Variants in SPOCK3 observed in about 807,000 individuals in gnomAD.
SPOCK3 encodes the protein testican-3.
In SPOCK3, 30 loss-of-function variants were observed where a neutral mutation model predicts 56.6. The observed-to-expected ratio is 0.53, with a 90% CI of 0.40 to 0.72. The LOEUF is 0.72. Ranked by LOEUF, SPOCK3 falls within the 30% of genes least tolerant of loss-of-function variation. The probability of loss-of-function intolerance (pLI) is 0.00; values close to 1 mark genes in which losing one functional copy is unlikely to be tolerated. For synonymous variants in SPOCK3, 196 were observed against 183.3 expected, an observed-to-expected ratio of 1.07 and a Z score of -0.56; for missense variants, 527 against 530.0, an observed-to-expected ratio of 0.99 and a Z score of 0.06.
At chr4:167,149,896 G>T (rs138118796) in intron 2 of SPOCK3, among the ~76,000 whole-genome samples, 22 of 151,760 alleles carry the variant, frequency 1.4e-4, no homozygotes, top group African/African-American at 4.6e-4. Flanking sequence ...AGAGATGTGA[G>T]TTTGAATTTG....
At chr4:166,826,623 C>T (rs151207173) in intron 6 of SPOCK3, among the ~76,000 whole-genome samples, 7 of 151,994 alleles carry the variant, frequency 4.6e-5, no homozygotes, top group Non-Finnish European at 5.9e-5. Context: ...CCAAAGAGCA[C>T]GTATAATTTT....
chr4:167,004,865 T>C (rs1749312314), intron 3 of SPOCK3, among the ~76,000 whole-genome samples: 1 of 152,174 alleles, frequency 6.6e-6, no homozygotes, highest in Non-Finnish European at 1.5e-5. Flanking sequence ...TTATCTTTCA[T>C]ATTAGTGAAA....
chr4:166,934,552 C>A (rs1028991875), intron 4 of SPOCK3, among the ~76,000 whole-genome samples: 3 of 152,036 alleles, frequency 2.0e-5, no homozygotes, highest in African/African-American at 7.2e-5. Flanking sequence ...CCCAAAGATA[C>A]CCCGTGCCAG....
chr4:167,164,269 T>A (rs565699001), intron 2 of SPOCK3, among the ~76,000 whole-genome samples: 2 of 152,266 alleles, frequency 1.3e-5, no homozygotes, highest in South Asian at 4.1e-4. Context: ...CATATTCACA[T>A]ATATACCATA....
At chr4:166,974,385 C>A (rs1745718925) in intron 4 of SPOCK3, among the ~76,000 whole-genome samples, 1 of 152,052 alleles carries the variant, frequency 6.6e-6, no homozygotes, top group Admixed American at 6.6e-5. Flanking sequence ...CATAATAATA[C>A]TTCAATAATT....
At chr4:166,841,943 A>C (rs1747412845) in intron 6 of SPOCK3, among the ~76,000 whole-genome samples, 2 of 152,014 alleles carry the variant, frequency 1.3e-5, no homozygotes, top group Middle Eastern at 3.2e-3. Flanking sequence ...GTTCCTTCTG[A>C]TGTTCGGACA....
chr4:166,768,895 C>A (rs1406127160), intron 7 of SPOCK3, among the ~76,000 whole-genome samples: 1 of 152,008 alleles, frequency 6.6e-6, no homozygotes, highest in East Asian at 1.9e-4. Flanking sequence ...TCTTTTTACC[C>A]TTTTTTCTCC....
chr4:167,112,839 G>C (rs1761014399), intron 2 of SPOCK3, among the ~76,000 whole-genome samples: 2 of 23,072 alleles, frequency 8.7e-5, no homozygotes, highest in Non-Finnish European at 1.5e-4. Flanking sequence ...GTTCAAAAGT[G>C]CTCTTTTTTA....
chr4:166,847,454 G>A (rs1026752192), intron 6 of SPOCK3, among the ~76,000 whole-genome samples: 33 of 151,230 alleles, frequency 2.2e-4, no homozygotes, highest in African/African-American at 7.0e-4. Context: ...CAATTCTGAG[G>A]GAAAAAGCAT....
At chr4:167,007,400 T>C (rs1357264610) in intron 3 of SPOCK3, among the ~76,000 whole-genome samples, 1 of 152,246 alleles carries the variant, frequency 6.6e-6, no homozygotes, top group Non-Finnish European at 1.5e-5. Flanking sequence ...ATAGTTGGTA[T>C]ACTATATTTA....
At chr4:166,789,401 C>T (rs2126645250) in intron 7 of SPOCK3, among the ~76,000 whole-genome samples, 1 of 152,094 alleles carries the variant, frequency 6.6e-6, no homozygotes, top group South Asian at 2.1e-4. Flanking sequence ...TGCACTCTAG[C>T]CTGGGCAACA....
intron 6 of SPOCK3, among the ~76,000 whole-genome samples, chr4:166,797,683 G>A (rs576249905): frequency 9.2e-5 from 14 of 152,014 alleles, no homozygotes; most frequent in Admixed American, 2.6e-4. Flanking sequence ...TACACAGTAA[G>A]AGATGCCAAT....
intron 4 of SPOCK3, among the ~76,000 whole-genome samples, chr4:166,924,093 G>C (rs1281790230): frequency 6.6e-6 from 1 of 152,104 alleles, no homozygotes; most frequent in East Asian, 1.9e-4. Flanking sequence ...GTTGACATTA[G>C]CTTGCCCGTT....
At chr4:166,898,421 T>C (rs561771275) in intron 5 of SPOCK3, among the ~76,000 whole-genome samples, 5 of 152,208 alleles carry the variant, frequency 3.3e-5, no homozygotes, top group African/African-American at 1.2e-4. Context: ...TGATACAAGC[T>C]TTTAAGACTG....
chr4:167,065,062 T>TAAAAAAAAAAAAAAAAAAAAAAAAAA (rs74281519), intron 2 of SPOCK3, among the ~76,000 whole-genome samples: 3 of 56,864 alleles, frequency 5.3e-5, no homozygotes, highest in African/African-American at 8.1e-5. Flanking sequence ...AAAAAAAAAG[T>TAAAAAAAAAAAAAAAAAAAAAAAAAA]CAAACGCAGC....
rs540718228 is a variant in SPOCK3, at chr4:166,822,252, T to C, written c.590-29963A>G. On this transcript the variant is annotated intron_variant, in intron 6 of 10. Transcript: ENST00000357545. ...TAATGCTCTGCCTTCTTATCCTTGT[T>C]TTCCCGCTGACCAACGAAATGAACT... 5.9e-4 allele frequency among the ~76,000 whole-genome samples: 90 copies of C among 152,038 alleles called. 3 individuals carry two copies. The South Asian group carries it at 0.018, about 30-fold the overall frequency.
intron 2 of SPOCK3, among the ~76,000 whole-genome samples, chr4:167,153,855 T>A (rs993826810): frequency 1.3e-5 from 2 of 152,174 alleles, no homozygotes; most frequent in Non-Finnish European, 2.9e-5. Flanking sequence ...AGTAACTGAC[T>A]TCAAATTAGT....
intron 3 of SPOCK3, among the ~76,000 whole-genome samples, chr4:167,046,855 T>A (rs1753781622): frequency 6.6e-6 from 1 of 152,148 alleles, no homozygotes; most frequent in Non-Finnish European, 1.5e-5. Context: ...GAAGGCTGAT[T>A]ATTAAAACTA....
At chr4:166,889,321 A>G (rs1734524199) in intron 5 of SPOCK3, 77 bp from the exon 6 acceptor site, 2 of 951,418 alleles carry the variant, frequency 2.1e-6, no homozygotes, top group African/African-American at 3.3e-5. Flanking sequence ...TTTAGAAAGA[A>G]AGGTAATTTT....
Sources: allele counts gnomAD v4.1 joint callset (sites outside exome capture counted in the v4.1 genomes callset), GRCh38; gene constraint gnomAD v4.1.1; transcripts MANE v1.5; gene names NCBI Gene and HGNC (gene_info 2026-07-23, HGNC 2026-07-21).